Variants in ANKMY2 observed in about 807,000 individuals in gnomAD.
ANKMY2 encodes the protein ankyrin repeat and MYND domain containing 2, also known as ankyrin repeat and MYND domain-containing protein 2.
A neutral mutation model predicts 50.4 loss-of-function variants in ANKMY2; 36 were observed. The ratio of observed to expected loss-of-function variants is 0.71; its 90% CI spans 0.55 to 0.94. ANKMY2 has a LOEUF of 0.94. Ranked by LOEUF, ANKMY2 falls within the 40% of genes least tolerant of loss-of-function variation. ANKMY2 has a pLI of 0.00. For synonymous variants in ANKMY2, 187 were observed against 178.8 expected, an observed-to-expected ratio of 1.05 and a Z score of -0.36; for missense variants, 565 against 524.0, an observed-to-expected ratio of 1.08 and a Z score of -0.76.
At chr7:16,643,630 A>G (rs1468985379) in intron 1 of ANKMY2, among the ~76,000 whole-genome samples, 1 of 151,926 alleles carries the variant, frequency 6.6e-6, no homozygotes, top group Non-Finnish European at 1.5e-5. Context: ...TTCAAAATAA[A>G]TACTGATGGA....
intron 6 of ANKMY2, 101 bp from the exon 7 acceptor site, chr7:16,609,866 T>A (rs1829995): frequency 0.23 from 316,521 of 1,368,102 alleles, 38,033 homozygotes; most frequent in Non-Finnish European, 0.25. Context: ...TACTTATGAT[T>A]TTCTTTGTCT....
At chr7:16,627,745 A>G (rs557215881) in intron 2 of ANKMY2, among the ~76,000 whole-genome samples, 13 of 152,224 alleles carry the variant, frequency 8.5e-5, no homozygotes, top group Non-Finnish European at 1.6e-4. Flanking sequence ...AATCACACAT[A>G]TATTTTGATC....
At chr7:16,644,653 G>A (rs1042189201) in intron 1 of ANKMY2, 1 of 470,908 alleles carries the variant, frequency 2.1e-6, no homozygotes, top group Non-Finnish European at 4.4e-6. Flanking sequence ...CCGTGAGGGT[G>A]CAGAAGAAGC....
intron 1 of ANKMY2, among the ~76,000 whole-genome samples, chr7:16,641,112 T>A (rs1427185944): frequency 1.3e-5 from 2 of 152,240 alleles, no homozygotes; most frequent in South Asian, 2.1e-4. Flanking sequence ...TGCACGCCTG[T>A]AATCCCAGCT....
chr7:16,635,069 T>C (rs1389342927), intron 2 of ANKMY2, among the ~76,000 whole-genome samples: 2 of 152,210 alleles, frequency 1.3e-5, no homozygotes, highest in East Asian at 3.8e-4. Flanking sequence ...TAAATGTTCA[T>C]AGAAGCTTTA....
intron 3 of ANKMY2, 69 bp downstream of exon 3, chr7:16,626,971 C>A: frequency 8.2e-7 from 1 of 1,214,504 alleles, no homozygotes; most frequent in Non-Finnish European, 1.1e-6. Flanking sequence ...TGAATTTAAT[C>A]TTTTAGTATA....
chr7:16,624,599 G>A (rs1436315877), intron 4 of ANKMY2, among the ~76,000 whole-genome samples: 1 of 152,078 alleles, frequency 6.6e-6, no homozygotes, highest in Non-Finnish European at 1.5e-5. Flanking sequence ...TTACCATGAG[G>A]AAACTGAAGG....
Position 16,600,797 on chromosome 7 carries a change from C to T in ANKMY2, c.1290G>A (p.Gln430=), listed in dbSNP as rs1047891791. ...LESEAELEGL[Q]DAPAGPQVSE... Reference sequence around the variant, plus strand: ...ACACCTGTGGCCCTGCAGGAGCATCCTGTAAGCCTTCCAACTCAGCTTCGC... The same window carrying T: ...ACACCTGTGGCCCTGCAGGAGCATCTTGTAAGCCTTCCAACTCAGCTTCGC... The change falls in exon 10 of 10, where the codon CAG becomes CAA. Residue 430 remains glutamine (Q), a synonymous_variant. Coordinates refer to ENST00000306999, the MANE Select transcript of ANKMY2 (RefSeq NM_020319.3). The T allele has an allele frequency of 1.2e-6, 2 of 1,613,500 alleles. No homozygotes were observed. Among genetic ancestry groups the T allele is most frequent in the Non-Finnish European group, 1.7e-6 (2 of 1,179,712 alleles).
At chr7:16,642,682 T>TA (rs1264984380) in intron 1 of ANKMY2, among the ~76,000 whole-genome samples, 1 of 151,788 alleles carries the variant, frequency 6.6e-6, no homozygotes, top group Non-Finnish European at 1.5e-5. Flanking sequence ...TCACCCACTT[T>TA]AAAAAAAATG....
At chr7:16,631,347 T>C (rs1781578244) in intron 2 of ANKMY2, among the ~76,000 whole-genome samples, 3 of 152,242 alleles carry the variant, frequency 2.0e-5, no homozygotes. Context: ...TCTGTATTTA[T>C]AAAGTGAATT....
intron 1 of ANKMY2, among the ~76,000 whole-genome samples, chr7:16,638,499 G>A (rs1308775783): frequency 6.6e-6 from 1 of 152,174 alleles, no homozygotes; most frequent in Non-Finnish European, 1.5e-5. Context: ...GAGATTCCAT[G>A]CTCTTTCCAG....
chr7:16,610,018 T>A (rs1332931874), intron 6 of ANKMY2, among the ~76,000 whole-genome samples: 1 of 152,194 alleles, frequency 6.6e-6, no homozygotes, highest in East Asian at 1.9e-4. Context: ...GTTATCAGAT[T>A]AGCTAGTTAC....
chr7:16,627,249 C>T, intron 2 of ANKMY2, 71 bp from the exon 3 acceptor site: 1 of 969,488 alleles, frequency 1.0e-6, no homozygotes, highest in Non-Finnish European at 1.5e-6. Context: ...ACAATTTCTG[C>T]AATTAGAAAC....
At chr7:16,636,302 CAAAAAAAAAA>C (rs376207917) in intron 2 of ANKMY2, 79 bp downstream of exon 2, 13 of 214,436 alleles carry the variant, frequency 6.1e-5, no homozygotes, top group East Asian at 2.5e-4. Context: ...CACTCCATCT[CAAAAAAAAAA>C]AAAAAAAAAA....
chr7:16,624,402 A>G (rs1197884845), intron 4 of ANKMY2, among the ~76,000 whole-genome samples: 1 of 152,222 alleles, frequency 6.6e-6, no homozygotes, highest in Non-Finnish European at 1.5e-5. Context: ...GGCACACAAA[A>G]TAAACGTCTG....
At chr7:16,633,080 CA>C (rs1190999040) in intron 2 of ANKMY2, among the ~76,000 whole-genome samples, 3 of 151,928 alleles carry the variant, frequency 2.0e-5, no homozygotes, top group African/African-American at 7.3e-5. Context: ...ATCCTTGGCT[CA>C]TTTTTTAATT....
intron 4 of ANKMY2, among the ~76,000 whole-genome samples, chr7:16,617,027 C>A (rs1374100866): frequency 6.6e-6 from 1 of 152,084 alleles, no homozygotes; most frequent in African/African-American, 2.4e-5. Context: ...ACCAAACCAG[C>A]TTAATGTCTC....
At chr7:16,637,367 G>A (rs1781678062) in intron 1 of ANKMY2, among the ~76,000 whole-genome samples, 1 of 152,206 alleles carries the variant, frequency 6.6e-6, no homozygotes, top group Admixed American at 6.5e-5. Context: ...AGTTAAAGGT[G>A]AAATGCAAAA....
intron 5 of ANKMY2, 134 bp from the exon 6 acceptor site, chr7:16,610,897 T>C: frequency 1.3e-6 from 1 of 753,014 alleles, no homozygotes; most frequent in Non-Finnish European, 2.1e-6. Context: ...TTATGTTATT[T>C]GTTAGAATGC....
Sources: allele counts gnomAD v4.1 joint callset (sites outside exome capture counted in the v4.1 genomes callset), GRCh38; gene constraint gnomAD v4.1.1; transcripts MANE v1.5; gene names NCBI Gene and HGNC (gene_info 2026-07-23, HGNC 2026-07-21).